Variants in MEGF9 observed in about 807,000 individuals in gnomAD.
MEGF9 encodes multiple epidermal growth factor-like domains protein 9.
A neutral mutation model predicts 46.8 loss-of-function variants in MEGF9; 6 were observed. That is an observed-to-expected ratio of 0.13 (90% CI 0.07 to 0.25). The LOEUF (loss-of-function observed/expected upper bound fraction) is 0.25, where lower values mean the gene tolerates loss of function less well. Ranked by LOEUF, MEGF9 falls within the 10% of genes least tolerant of loss-of-function variation. MEGF9 has a pLI of 1.00. For synonymous variants in MEGF9, 302 were observed against 330.7 expected (o/e 0.91, Z 0.94); for missense variants, 683 against 792.4 (o/e 0.86, Z 1.66).
chr9:120,620,988 T>C (rs940349267), intron 3 of MEGF9, among the ~76,000 whole-genome samples: 13 of 152,352 alleles, frequency 8.5e-5, no homozygotes, highest in African/African-American at 3.1e-4. Context: ...ATAAAAACAC[T>C]TGTACTTGTC....
chr9:120,699,445 C>G (rs543913738), intron 1 of MEGF9, among the ~76,000 whole-genome samples: 1 of 151,942 alleles, frequency 6.6e-6, no homozygotes, highest in African/African-American at 2.4e-5. Context: ...TGGCCAGGTG[C>G]AGTGGCTCAC....
intron 1 of MEGF9, among the ~76,000 whole-genome samples, chr9:120,664,284 T>C (rs2043715546): frequency 6.6e-6 from 1 of 152,180 alleles, no homozygotes; most frequent in Non-Finnish European, 1.5e-5. Context: ...ATTCAGCTTG[T>C]TTGCATTAAT....
rs567581474 is a variant in MEGF9, at chr9:120,679,020, G to A, written c.602-19445C>T. 1.1e-4 allele frequency among the ~76,000 whole-genome samples: 16 copies of A among 152,334 alleles called. No homozygotes were observed. In the South Asian group the frequency reaches 3.3e-3, roughly 32 times the overall value. On this transcript the variant is annotated intron_variant, in intron 1 of 5. Transcript: ENST00000373930. ...GGAGAAATAGGAACACTTTTACACT[G>A]TTGGTGGGACTGTAAACTAGTTCAA...
At chr9:120,654,862 C>T (rs1053115284) in intron 2 of MEGF9, among the ~76,000 whole-genome samples, 2 of 151,642 alleles carry the variant, frequency 1.3e-5, no homozygotes, top group African/African-American at 4.9e-5. Context: ...TGTATATTTA[C>T]GTCGTAGTTT....
chr9:120,607,900 A>C lies in MEGF9; in HGVS notation c.1198T>G (p.Cys400Gly). The change falls in exon 5 of 6, where the codon TGC becomes GGC. Residue 400 changes from cysteine to glycine, a missense_variant. Coordinates refer to ENST00000373930, the MANE Select transcript of MEGF9 (RefSeq NM_001080497.3). ...GGGTCCACATGGCCGTGACATTGGCACTTTCTACAGATGCTGTCAAAATTG... is the reference window on the plus strand; with the variant it reads ...GGGTCCACATGGCCGTGACATTGGCCCTTTCTACAGATGCTGTCAAAATTG... ...YYNFDSICRK[C>G]QCHGHVDPVK... 6.2e-7 allele frequency: 1 copy of C among 1,613,984 alleles called. No individual in the cohort carries two copies. Among genetic ancestry groups the C allele is most frequent in the Non-Finnish European group, 8.5e-7 (1 of 1,179,882 alleles).
At chr9:120,668,360 A>G (rs910657658) in intron 1 of MEGF9, among the ~76,000 whole-genome samples, 5 of 152,218 alleles carry the variant, frequency 3.3e-5, no homozygotes, top group African/African-American at 1.2e-4. Flanking sequence ...CTTTGTAGAG[A>G]TGTGTAGTAT....
intron 2 of MEGF9, among the ~76,000 whole-genome samples, chr9:120,645,648 T>C (rs1175389472): frequency 6.6e-6 from 1 of 152,198 alleles, no homozygotes; most frequent in African/African-American, 2.4e-5. Context: ...TTTATGCTAT[T>C]TAGGCATATG....
intron 1 of MEGF9, among the ~76,000 whole-genome samples, chr9:120,660,041 T>A (rs2043695290): frequency 6.7e-6 from 1 of 149,406 alleles, no homozygotes; most frequent in African/African-American, 2.5e-5. Flanking sequence ...CAGGAAGAAA[T>A]TAATGAAGAA....
At chr9:120,614,276 G>C (rs574917293) in intron 3 of MEGF9, among the ~76,000 whole-genome samples, 11 of 152,274 alleles carry the variant, frequency 7.2e-5, no homozygotes, top group African/African-American at 2.6e-4. Context: ...GCCCATGTAG[G>C]CCTCCCTAAG....
At chr9:120,698,712 G>T (rs1261739191) in intron 1 of MEGF9, among the ~76,000 whole-genome samples, 2 of 152,196 alleles carry the variant, frequency 1.3e-5, no homozygotes, top group Non-Finnish European at 2.9e-5. Flanking sequence ...TGTATGTGCT[G>T]ACTATTAAGC....
intron 5 of MEGF9, 32 bp downstream of exon 5, chr9:120,607,709 T>A (rs759158527): frequency 6.2e-7 from 1 of 1,600,912 alleles, no homozygotes; most frequent in Non-Finnish European, 8.6e-7. Context: ...GTTTTAGATA[T>A]TAAATTTACA....
Position 120,605,384 on chromosome 9 carries a change from G to A in MEGF9, c.1615C>T (p.Arg539Cys), listed in dbSNP as rs778345020. Residue 539 changes from arginine (R) to cysteine (C), a missense_variant, in exon 6 of 6, where the codon CGC becomes TGC. By Grantham distance (180) the Arg-to-Cys change is radical. Transcript: ENST00000373930. The surrounding 1 kb of genome is among the most constrained non-coding windows in gnomAD (Gnocchi z 4.0). Reference protein sequence around the residue: ...MGFVGAVYMYREYQNRKLNAP... With the variant: ...MGFVGAVYMYCEYQNRKLNAP... The stretch of plus-strand genomic sequence containing the variant: ...TTGAGTTTCCGGTTTTGGTACTCGC[G>A]GTACATATATACAGCCCCCACAAAT... 1.7e-5 allele frequency: 27 copies of A among 1,613,804 alleles called. No individual in the cohort carries two copies. The highest frequency in any genetic ancestry group is 3.3e-5 in the South Asian group (3 of 91,088).
intron 1 of MEGF9, among the ~76,000 whole-genome samples, chr9:120,668,316 T>G (rs2043734374): frequency 1.3e-5 from 2 of 152,224 alleles, no homozygotes; most frequent in African/African-American, 2.4e-5. Flanking sequence ...TTGGGAAACT[T>G]AATATTAAAG....
intron 1 of MEGF9, among the ~76,000 whole-genome samples, chr9:120,666,349 A>G (rs924515330): frequency 1.3e-5 from 2 of 152,228 alleles, no homozygotes; most frequent in African/African-American, 4.8e-5. Context: ...GACTTGCAAA[A>G]GTAGATGGAA....
chr9:120,625,846 A>G (rs1235484528), intron 2 of MEGF9, among the ~76,000 whole-genome samples: 1 of 138,188 alleles, frequency 7.2e-6, no homozygotes, highest in African/African-American at 2.5e-5. Context: ...AAAAAAAAAA[A>G]AAAAAAAAAA....
intron 1 of MEGF9, among the ~76,000 whole-genome samples, chr9:120,660,089 C>T (rs562215873): frequency 6.6e-6 from 1 of 151,546 alleles, no homozygotes; most frequent in Non-Finnish European, 1.5e-5. Context: ...AACAATAAAA[C>T]CAGAGGAGAA....
intron 3 of MEGF9, among the ~76,000 whole-genome samples, chr9:120,620,960 T>G (rs1223246983): frequency 6.6e-6 from 1 of 152,200 alleles, no homozygotes; most frequent in Non-Finnish European, 1.5e-5. Flanking sequence ...ACTTCAAGTA[T>G]TTTGCCACCC....
intron 1 of MEGF9, among the ~76,000 whole-genome samples, chr9:120,682,551 C>T (rs1026441115): frequency 1.3e-5 from 2 of 150,910 alleles, no homozygotes; most frequent in Non-Finnish European, 3.0e-5. Context: ...TGTAGTTTCA[C>T]ATTCATCCCC....
chr9:120,683,372 C>T (rs2043807396), intron 1 of MEGF9, among the ~76,000 whole-genome samples: 1 of 152,146 alleles, frequency 6.6e-6, no homozygotes, highest in Admixed American at 6.5e-5. Flanking sequence ...AATTGTAATC[C>T]TCATAATCTC....
Sources: gnomAD v4.1 joint callset for allele counts (sites outside exome capture counted in the v4.1 genomes callset) on GRCh38, gnomAD v4.1.1 for gene constraint, Gnocchi (gnomAD v3.1) non-coding constraint, MANE v1.5 for transcripts, NCBI Gene and HGNC (gene_info 2026-07-23, HGNC 2026-07-21) for gene names.